Variants in GALNT13 observed in about 807,000 individuals in gnomAD.
GALNT13 encodes the protein polypeptide N-acetylgalactosaminyltransferase 13.
Under a neutral mutation model 64.2 loss-of-function variants are expected in GALNT13, and 28 were observed. That is an observed-to-expected ratio of 0.44 (90% CI 0.32 to 0.60). The LOEUF (loss-of-function observed/expected upper bound fraction) is 0.60. GALNT13 is among the 20% of genes least tolerant of loss of function. The pLI, the probability that GALNT13 is intolerant of heterozygous loss-of-function variation, is 0.05. For synonymous variants in GALNT13, 214 were observed against 224.6 expected, an observed-to-expected ratio of 0.95 and a Z score of 0.42; for missense variants, 577 against 669.8, an observed-to-expected ratio of 0.86 and a Z score of 1.53.
chr2:153,970,581 G>A (rs1693672736), intron 3 of GALNT13, among the ~76,000 whole-genome samples: 1 of 151,964 alleles, frequency 6.6e-6, no homozygotes. Context: ...ACTTTACATA[G>A]CCATGTTATA....
chr2:153,501,948 C>T, the GALNT13 span, among the ~76,000 whole-genome samples: 1 of 152,130 alleles, frequency 6.6e-6, no homozygotes, highest in East Asian at 1.9e-4. Flanking sequence ...CTTTTGAACT[C>T]ACGGAGGGGC....
the GALNT13 span, among the ~76,000 whole-genome samples, chr2:153,431,552 G>A: frequency 6.6e-6 from 1 of 152,184 alleles, no homozygotes; most frequent in African/African-American, 2.4e-5. Context: ...TCGAGACCAT[G>A]TTCATCTGAT....
chr2:153,591,768 C>A, the GALNT13 span, among the ~76,000 whole-genome samples: 4 of 151,296 alleles, frequency 2.6e-5, no homozygotes, highest in Admixed American at 6.6e-5. Flanking sequence ...GGACATTAGG[C>A]AAAAAATTTA....
chr2:153,296,014 T>C, the GALNT13 span, among the ~76,000 whole-genome samples: 1 of 152,152 alleles, frequency 6.6e-6, no homozygotes, highest in Non-Finnish European at 1.5e-5. Flanking sequence ...GCCCACTCAG[T>C]CTTTGACTGT....
At chr2:153,325,028 A>G in the GALNT13 span, among the ~76,000 whole-genome samples, 1 of 145,050 alleles carries the variant, frequency 6.9e-6, no homozygotes, top group Non-Finnish European at 1.5e-5. Flanking sequence ...TTCTTTTTCT[A>G]TTGTTTGGAA....
chr2:153,942,838 A>G (rs1286288028), intron 2 of GALNT13, among the ~76,000 whole-genome samples: 2 of 152,162 alleles, frequency 1.3e-5, no homozygotes, highest in Non-Finnish European at 2.9e-5. Flanking sequence ...ATAACAGGCA[A>G]CAGAATTTCT....
intron 3 of GALNT13, among the ~76,000 whole-genome samples, chr2:153,996,834 G>A (rs1451258655): frequency 6.6e-6 from 1 of 151,992 alleles, no homozygotes; most frequent in African/African-American, 2.4e-5. Flanking sequence ...TCCATTTTGA[G>A]TTCATTTTTG....
chr2:153,070,304 G>A, the GALNT13 span, among the ~76,000 whole-genome samples: 1 of 152,156 alleles, frequency 6.6e-6, no homozygotes, highest in East Asian at 1.9e-4. Flanking sequence ...TGGTTGCCAG[G>A]TGCTCATGGG....
chr2:153,453,216 A>G, the GALNT13 span, among the ~76,000 whole-genome samples: 1 of 152,186 alleles, frequency 6.6e-6, no homozygotes, highest in Non-Finnish European at 1.5e-5. Flanking sequence ...TTGGGAAGGA[A>G]TTTATGACTA....
At chr2:153,565,745 TA>T in the GALNT13 span, among the ~76,000 whole-genome samples, 5 of 152,228 alleles carry the variant, frequency 3.3e-5, no homozygotes, top group African/African-American at 1.2e-4. Context: ...ACTATATATT[TA>T]TGTCTCTAAA....
rs540436310 is a variant in GALNT13 at position 154,359,167 on chromosome 2, G to A, written c.1157-36824G>A. Among the ~76,000 whole-genome samples the A allele has an allele frequency of 2.0e-5, 3 of 152,112 alleles. No individual in the cohort carries two copies. The East Asian group carries it at 5.8e-4, about 29-fold the overall frequency. ...GCCCTTCACAGTGGAGTTAAAGCAG[G>A]AATCTAGTGGCATCAGAGATTGGAG... On this transcript the variant is annotated intron_variant, in intron 9 of 12. Coordinates refer to ENST00000392825, the MANE Select transcript of GALNT13 (RefSeq NM_052917.4).
At chr2:153,846,573 C>A in the GALNT13 span, among the ~76,000 whole-genome samples, 3 of 152,054 alleles carry the variant, frequency 2.0e-5, no homozygotes, top group Non-Finnish European at 4.4e-5. Flanking sequence ...AATGCTCTAA[C>A]AAATATAATT....
the GALNT13 span, among the ~76,000 whole-genome samples, chr2:153,218,431 A>G: frequency 1.2e-3 from 186 of 151,846 alleles, no homozygotes; most frequent in African/African-American, 4.1e-3. Context: ...GGTTTTTCCT[A>G]TTTTTTTCTC....
At chr2:154,229,794 G>A (rs1368393800) in intron 4 of GALNT13, among the ~76,000 whole-genome samples, 1 of 152,080 alleles carries the variant, frequency 6.6e-6, no homozygotes, top group African/African-American at 2.4e-5. Flanking sequence ...GTTCAACATT[G>A]CTGAAGAGTT....
chr2:153,613,369 C>A, the GALNT13 span, among the ~76,000 whole-genome samples: 2 of 152,056 alleles, frequency 1.3e-5, no homozygotes, highest in African/African-American at 2.4e-5. Context: ...TCCTTGCTAC[C>A]TATTTTAGAG....
intron 9 of GALNT13, among the ~76,000 whole-genome samples, chr2:154,371,853 TA>T (rs1455881395): frequency 6.6e-6 from 1 of 150,832 alleles, no homozygotes; most frequent in African/African-American, 2.4e-5. Context: ...AACATACACA[TA>T]AAAATACTCA....
chr2:154,137,351 T>A (rs1166907488), intron 3 of GALNT13, among the ~76,000 whole-genome samples: 1 of 151,508 alleles, frequency 6.6e-6, no homozygotes, highest in Non-Finnish European at 1.5e-5. Context: ...AAATATATAT[T>A]CATTAGAAGC....
the GALNT13 span, among the ~76,000 whole-genome samples, chr2:153,126,345 T>G: frequency 1.1e-5 from 1 of 92,830 alleles, no homozygotes; most frequent in African/African-American, 3.8e-5. Context: ...TATATATATA[T>G]ATGATATTAA....
intron 2 of GALNT13, among the ~76,000 whole-genome samples, chr2:153,940,289 G>T (rs1356639752): frequency 1.4e-5 from 2 of 139,898 alleles, no homozygotes; most frequent in African/African-American, 5.3e-5. Flanking sequence ...ACAGAGTCTT[G>T]CTCTGTTGCC....
Sources: allele counts gnomAD v4.1 joint callset (sites outside exome capture counted in the v4.1 genomes callset), GRCh38; gene constraint gnomAD v4.1.1; transcripts MANE v1.5; gene names NCBI Gene and HGNC (gene_info 2026-07-23, HGNC 2026-07-21).